Variants in SDK1 observed in about 807,000 individuals in gnomAD.
SDK1 encodes sidekick cell adhesion molecule 1, also known as protein sidekick-1.
In SDK1, 157 loss-of-function variants were observed where a neutral mutation model predicts 245.5. The ratio of observed to expected loss-of-function variants is 0.64; its 90% CI spans 0.56 to 0.73. The LOEUF (loss-of-function observed/expected upper bound fraction) is 0.73, where lower values mean the gene tolerates loss of function less well. SDK1 is among the 30% of genes least tolerant of loss of function. The pLI, the probability that SDK1 is intolerant of heterozygous loss-of-function variation, is 0.00. For synonymous variants in SDK1, 1,647 were observed against 1,278.5 expected (o/e 1.29, Z -6.15); for missense variants, 3,583 against 3,002.3 (o/e 1.19, Z -4.52).
intron 1 of SDK1, among the ~76,000 whole-genome samples, chr7:3,527,689 G>C (rs1206307024): frequency 6.7e-6 from 1 of 149,946 alleles, no homozygotes; most frequent in Admixed American, 6.6e-5. Context: ...TGAGTGGTGG[G>C]AGGTGAGGCT....
chr7:3,447,782 G>A (rs10259354), intron 1 of SDK1, among the ~76,000 whole-genome samples: 106,262 of 147,572 alleles, frequency 0.72, 38,189 homozygotes, highest in South Asian at 0.82. Context: ...TCGGCTCACC[G>A]CAACCTCTGC....
chr7:3,905,011 A>C (rs1166071429), intron 5 of SDK1, among the ~76,000 whole-genome samples: 2 of 150,700 alleles, frequency 1.3e-5, no homozygotes, highest in Admixed American at 6.6e-5. Flanking sequence ...AAAAAAAAAT[A>C]ATAATAATAA....
intron 13 of SDK1, among the ~76,000 whole-genome samples, chr7:3,982,077 G>A (rs574904098): frequency 4.6e-5 from 7 of 152,290 alleles, no homozygotes; most frequent in Admixed American, 4.6e-4. Context: ...TAATGGAGCT[G>A]GTGACTTTAA....
intron 1 of SDK1, among the ~76,000 whole-genome samples, chr7:3,611,567 G>T (rs1583225253): frequency 6.6e-6 from 1 of 152,142 alleles, no homozygotes; most frequent in East Asian, 1.9e-4. Flanking sequence ...ATACCCAGGA[G>T]TGGGATTGCT....
chr7:4,168,752 A>G (rs1251562613), intron 32 of SDK1, among the ~76,000 whole-genome samples: 1 of 152,172 alleles, frequency 6.6e-6, no homozygotes, highest in Non-Finnish European at 1.5e-5. Context: ...GAGGCTTTGA[A>G]GGTGACCTCA....
intron 1 of SDK1, among the ~76,000 whole-genome samples, chr7:3,330,425 A>G (rs192133040): frequency 3.5e-4 from 53 of 152,222 alleles, no homozygotes; most frequent in African/African-American, 9.6e-4. Context: ...TCATATGTTG[A>G]TTGGAGGTGG....
At chr7:3,899,620 C>T (rs1583530942) in intron 5 of SDK1, among the ~76,000 whole-genome samples, 1 of 152,216 alleles carries the variant, frequency 6.6e-6, no homozygotes, top group African/African-American at 2.4e-5. Flanking sequence ...ACAGGTTCCT[C>T]CTCCCTCCCA....
In SDK1 at chr7:3,648,259, G is replaced by A. The variant is rs192585265; in HGVS notation, c.713+6154G>A. 1.6e-3 allele frequency among the ~76,000 whole-genome samples: 248 copies of A among 152,246 alleles called. 2 individuals carry two copies. Among genetic ancestry groups the A allele is most frequent in the Non-Finnish European group, 2.6e-3 (179 of 68,022 alleles). On this transcript the variant is annotated intron_variant, in intron 4 of 44. Transcript: ENST00000404826. Reference sequence around the variant, plus strand: ...TTCCTCCACGACGTTATTTATGTTGGTAGTTATCAGATTAGAACACAAAAT... The same window carrying A: ...TTCCTCCACGACGTTATTTATGTTGATAGTTATCAGATTAGAACACAAAAT...
At chr7:3,743,860 A>G (rs1481516221) in intron 4 of SDK1, among the ~76,000 whole-genome samples, 1 of 152,202 alleles carries the variant, frequency 6.6e-6, no homozygotes, top group Admixed American at 6.5e-5. Flanking sequence ...GTTAGCAGCT[A>G]TCTGCCCCCA....
At chr7:4,189,117 G>A (rs1296925091) in intron 35 of SDK1, among the ~76,000 whole-genome samples, 1 of 152,176 alleles carries the variant, frequency 6.6e-6, no homozygotes, top group African/African-American at 2.4e-5. Flanking sequence ...AAGGGATTTG[G>A]AAATCCTCGC....
intron 1 of SDK1, among the ~76,000 whole-genome samples, chr7:3,353,274 C>T (rs1047087294): frequency 6.6e-6 from 1 of 152,084 alleles, no homozygotes. Context: ...TCTGAATAGC[C>T]ACTTACAAAC....
At chr7:4,225,911 C>A (rs1213293678) in intron 40 of SDK1, among the ~76,000 whole-genome samples, 1 of 151,780 alleles carries the variant, frequency 6.6e-6, no homozygotes. Context: ...AACGATCTCC[C>A]CTTTCGGATC....
rs77927849 is a variant in SDK1 at position 4,140,377 on chromosome 7, C to G, written c.4229-5345C>G. ...CTCCCCAGATGGGAGCCCTCACATG[C>G]TGGAGGCGTGGCTCTGGAGCTGGGC... On this transcript the variant is annotated intron_variant, in intron 28 of 44. Coordinates refer to ENST00000404826, the MANE Select transcript of SDK1 (RefSeq NM_152744.4). Among the ~76,000 whole-genome samples, 1,262 of 152,324 alleles carry G rather than the reference C, an allele frequency of 8.3e-3. 5 individuals are homozygous for G. Among genetic ancestry groups the G allele is most frequent in the Non-Finnish European group, 0.014 (974 of 68,026 alleles).
chr7:3,907,073 C>G (rs1007806623), intron 5 of SDK1, among the ~76,000 whole-genome samples: 1 of 152,120 alleles, frequency 6.6e-6, no homozygotes, highest in African/African-American at 2.4e-5. Flanking sequence ...CCAGTGTATT[C>G]TAATATGTTG....
intron 32 of SDK1, among the ~76,000 whole-genome samples, chr7:4,166,054 G>A (rs950789701): frequency 1.7e-4 from 26 of 152,328 alleles, no homozygotes; most frequent in Non-Finnish European, 3.7e-4. Flanking sequence ...CTCCCAAAGT[G>A]CTGGGATTAC....
At chr7:4,259,186 C>G (rs1285661266) in intron 44 of SDK1, among the ~76,000 whole-genome samples, 2 of 152,194 alleles carry the variant, frequency 1.3e-5, no homozygotes, top group Admixed American at 1.3e-4. Context: ...CACCTGTAAT[C>G]TCGGCACTTT....
At chr7:3,791,906 C>T (rs1304177094) in intron 4 of SDK1, among the ~76,000 whole-genome samples, 3 of 151,958 alleles carry the variant, frequency 2.0e-5, no homozygotes, top group African/African-American at 7.2e-5. Context: ...GGAGGGTCAC[C>T]TGAGCCCAGG....
chr7:4,186,206 C>T (rs1782885204), intron 35 of SDK1, among the ~76,000 whole-genome samples: 1 of 152,218 alleles, frequency 6.6e-6, no homozygotes, highest in Non-Finnish European at 1.5e-5. Context: ...GATTCAGCCC[C>T]AGATGTGTCG....
chr7:3,351,019 A>G (rs1294569246), intron 1 of SDK1, among the ~76,000 whole-genome samples: 1 of 152,204 alleles, frequency 6.6e-6, no homozygotes, highest in African/African-American at 2.4e-5. Context: ...ACATAAATAG[A>G]TATCTATGTT....
Sources: gnomAD v4.1 joint callset for allele counts (sites outside exome capture counted in the v4.1 genomes callset) on GRCh38, gnomAD v4.1.1 for gene constraint, MANE v1.5 for transcripts, NCBI Gene and HGNC (gene_info 2026-07-23, HGNC 2026-07-21) for gene names.